AGBL1: variants seen among roughly 807,000 people sequenced by gnomAD.
AGBL1 encodes the protein AGBL carboxypeptidase 1, also known as cytosolic carboxypeptidase 4.
A neutral mutation model predicts 118.9 loss-of-function variants in AGBL1; 130 were observed. That is an observed-to-expected ratio of 1.09 (90% CI 0.95 to 1.26). AGBL1 has a LOEUF of 1.26. Among genes scored for constraint, AGBL1 ranks in the 50% most tolerant of loss-of-function variants. AGBL1 has a pLI of 0.00. For missense variants in AGBL1, 1,584 were observed against 1,298.1 expected (o/e 1.22, Z -3.38); for synonymous variants, 555 against 478.9 (o/e 1.16, Z -2.08).
intron 6 of AGBL1, among the ~76,000 whole-genome samples, chr15:86,233,141 T>C (rs1216116775): frequency 6.6e-6 from 1 of 152,160 alleles, no homozygotes; most frequent in Non-Finnish European, 1.5e-5. Flanking sequence ...TTGTGACCAT[T>C]TCCAAAGGAG....
chr15:86,411,586 C>T (rs2081621992), intron 18 of AGBL1, among the ~76,000 whole-genome samples: 1 of 152,132 alleles, frequency 6.6e-6, no homozygotes, highest in Non-Finnish European at 1.5e-5. Context: ...TCCTTCATTG[C>T]CCACCTTCCT....
At chr15:86,226,591 A>G (rs975650689) in intron 6 of AGBL1, among the ~76,000 whole-genome samples, 2 of 152,194 alleles carry the variant, frequency 1.3e-5, no homozygotes, top group Non-Finnish European at 2.9e-5. Context: ...TGTTTACTCT[A>G]TTGATCAGGA....
At chr15:86,846,197 C>CA (rs1171488497) in intron 22 of AGBL1, among the ~76,000 whole-genome samples, 2 of 152,162 alleles carry the variant, frequency 1.3e-5, no homozygotes, top group Non-Finnish European at 2.9e-5. Flanking sequence ...TATGACATCT[C>CA]AGCTAGAAAA....
At chr15:86,153,204 A>G (rs555486301) in intron 3 of AGBL1, among the ~76,000 whole-genome samples, 51 of 152,356 alleles carry the variant, frequency 3.3e-4, no homozygotes, top group Middle Eastern at 3.4e-3. Flanking sequence ...ATAAAGATAC[A>G]TGCACACATA....
At chr15:86,851,620 C>T (rs996003181) in intron 22 of AGBL1, among the ~76,000 whole-genome samples, 1 of 152,150 alleles carries the variant, frequency 6.6e-6, no homozygotes, top group Admixed American at 6.5e-5. Context: ...CTCATGAAAC[C>T]CGCAAATTCT....
intron 17 of AGBL1, among the ~76,000 whole-genome samples, chr15:86,380,447 G>A (rs1458115279): frequency 6.7e-6 from 1 of 149,044 alleles, no homozygotes; most frequent in African/African-American, 2.5e-5. Flanking sequence ...ACCTGAGCCC[G>A]GCCCTTTCCT....
intron 17 of AGBL1, among the ~76,000 whole-genome samples, chr15:86,365,746 G>T (rs1237776747): frequency 6.6e-6 from 1 of 152,058 alleles, no homozygotes; most frequent in East Asian, 1.9e-4. Context: ...TGTTTGGTGT[G>T]TGATGAATAC....
intron 6 of AGBL1, among the ~76,000 whole-genome samples, chr15:86,245,528 C>T (rs757707715): frequency 1.3e-5 from 2 of 152,098 alleles, no homozygotes; most frequent in Admixed American, 6.6e-5. Context: ...AGATCTGAAC[C>T]GGTACATGCT....
At chr15:86,165,590 G>C (rs970098072) in intron 5 of AGBL1, among the ~76,000 whole-genome samples, 1 of 152,046 alleles carries the variant, frequency 6.6e-6, no homozygotes, top group Non-Finnish European at 1.5e-5. Context: ...ATTTTTTTCT[G>C]TTTCTTAAAA....
chr15:87,014,334 C>T (rs16939715), intron 24 of AGBL1, among the ~76,000 whole-genome samples: 15,695 of 152,134 alleles, frequency 0.1, 1,627 homozygotes, highest in African/African-American at 0.27. Context: ...AATTCTATTG[C>T]GTGATCTTAG....
chr15:86,674,575 A>G (rs2142550854), intron 22 of AGBL1, 139 bp downstream of exon 22: 2 of 856,480 alleles, frequency 2.3e-6, no homozygotes, highest in Non-Finnish European at 3.4e-6. Flanking sequence ...AGGTAGGTAC[A>G]CTATCTCGTT....
intron 22 of AGBL1, among the ~76,000 whole-genome samples, chr15:86,865,503 T>G (rs2079614233): frequency 6.6e-6 from 1 of 152,200 alleles, no homozygotes. Context: ...ACTTCTGCCT[T>G]CTCAGTTGTA....
intron 23 of AGBL1, among the ~76,000 whole-genome samples, chr15:86,954,788 A>G (rs2080914079): frequency 6.6e-6 from 1 of 152,158 alleles, no homozygotes. Flanking sequence ...TGAACCCTCT[A>G]TATCTAACAT....
intron 22 of AGBL1, among the ~76,000 whole-genome samples, chr15:86,803,274 T>A (rs981300060): frequency 6.6e-6 from 1 of 152,136 alleles, no homozygotes; most frequent in East Asian, 1.9e-4. Context: ...TGAGATCTGA[T>A]GGTTTTACAA....
chr15:86,873,897 A>C (rs1208160505), intron 22 of AGBL1, among the ~76,000 whole-genome samples: 1 of 152,192 alleles, frequency 6.6e-6, no homozygotes, highest in East Asian at 1.9e-4. Flanking sequence ...AATAGTCTTT[A>C]TGATCTTAAC....
chr15:86,158,037 C>T (rs542016469), intron 4 of AGBL1, among the ~76,000 whole-genome samples: 29 of 152,188 alleles, frequency 1.9e-4, no homozygotes, highest in Middle Eastern at 3.4e-3. Flanking sequence ...TTTCCCAATT[C>T]GGAAGTAAGA....
rs117037745 is a variant in AGBL1 at position 86,775,734 on chromosome 15, A to G, written c.3158+101298A>G. On this transcript the variant is annotated intron_variant, in intron 22 of 22. Transcript: ENST00000614907. ...CATGCCAGAAGATTTTTTCCAAGCT[A>G]TTACTATATTTTATATTAAAATTGT... 9.0e-3 allele frequency among the ~76,000 whole-genome samples: 1,369 copies of G among 152,272 alleles called. 13 individuals are homozygous for G. The highest frequency in any genetic ancestry group is 0.013 in the Non-Finnish European group (881 of 68,014).
intron 19 of AGBL1, among the ~76,000 whole-genome samples, chr15:86,541,652 C>T (rs981300130): frequency 1.8e-4 from 26 of 146,036 alleles, no homozygotes; most frequent in Admixed American, 5.5e-4. Context: ...GCTCTAAAGT[C>T]TAGAATAGGA....
intron 19 of AGBL1, among the ~76,000 whole-genome samples, chr15:86,529,476 G>A (rs1322669070): frequency 5.9e-5 from 8 of 134,822 alleles, no homozygotes; most frequent in East Asian, 2.1e-4. Context: ...CCAAATCTAC[G>A]TCTGATTGGT....
Sources: allele counts gnomAD v4.1 joint callset (sites outside exome capture counted in the v4.1 genomes callset), GRCh38; gene constraint gnomAD v4.1.1; transcripts MANE v1.5; gene names NCBI Gene and HGNC (gene_info 2026-07-23, HGNC 2026-07-21).